The following GLIS3 variants were observed in gnomAD, a reference collection of about 807,000 sequenced individuals.
GLIS3 encodes zinc finger protein GLIS3.
In GLIS3, 53 loss-of-function variants were observed where a neutral mutation model predicts 78.6. The observed-to-expected ratio is 0.67, with a 90% CI of 0.54 to 0.85. The LOEUF (loss-of-function observed/expected upper bound fraction) is 0.85. Among genes scored for constraint, GLIS3 ranks in the 40% least tolerant of loss-of-function variants. The probability of loss-of-function intolerance (pLI) is 0.00; values close to 1 mark genes in which losing one functional copy is unlikely to be tolerated. For missense variants in GLIS3, 1,703 were observed against 1,231.1 expected, an observed-to-expected ratio of 1.38 and a Z score of -5.74; for synonymous variants, 684 against 509.9, an observed-to-expected ratio of 1.34 and a Z score of -4.60.
chr9:4,268,506 G>A (rs13286364), intron 2 of GLIS3, among the ~76,000 whole-genome samples: 21,534 of 152,112 alleles, frequency 0.14, 1,634 homozygotes, highest in Non-Finnish European at 0.16. Context: ...GATATAGAGC[G>A]TTCTGAAAGG....
rs1232514882 is a variant in GLIS3, at chr9:3,824,267, C to T, written c.*4005G>A. ...CCTCATATCTATAATTAAATCCAGG[C>T]TACAGCTCTGGCCCAAAGCAATGCA... On this transcript the variant is annotated 3_prime_UTR_variant, in exon 11 of 11. Coordinates refer to ENST00000381971, the MANE Select transcript of GLIS3 (RefSeq NM_001042413.2). 1 of 152,614 alleles carries T rather than the reference C, an allele frequency of 6.6e-6. No homozygotes were observed. The highest frequency in any genetic ancestry group is 1.5e-5 in the Non-Finnish European group (1 of 68,052). The allele number at this position is 152,614 out of a possible 1,614,324, so 9.5% of individuals were successfully genotyped here. A position where few individuals can be genotyped will look rare whatever the true frequency, so the allele number is the denominator to read the frequency against.
At chr9:4,384,812 C>G in the GLIS3 span, among the ~76,000 whole-genome samples, 3 of 152,126 alleles carry the variant, frequency 2.0e-5, no homozygotes, top group Admixed American at 2.0e-4. Flanking sequence ...CCCACTCAAC[C>G]TCCAGCCCCG....
intron 4 of GLIS3, among the ~76,000 whole-genome samples, chr9:4,013,815 G>A (rs545154080): frequency 6.6e-6 from 1 of 152,248 alleles, no homozygotes; most frequent in East Asian, 1.9e-4. Flanking sequence ...GATAAAATCT[G>A]GATGATCCAA....
At chr9:4,281,833 G>A (rs1827581790) in intron 2 of GLIS3, among the ~76,000 whole-genome samples, 1 of 152,120 alleles carries the variant, frequency 6.6e-6, no homozygotes, top group Non-Finnish European at 1.5e-5. Flanking sequence ...ACCTCCTCAA[G>A]CTAGTAGTTT....
chr9:4,244,983 T>C (rs1415972551), intron 2 of GLIS3, among the ~76,000 whole-genome samples: 1 of 152,202 alleles, frequency 6.6e-6, no homozygotes, highest in Non-Finnish European at 1.5e-5. Context: ...AGAAGAGTTA[T>C]CCAAGAAAAA....
At chr9:4,085,211 C>G (rs762313747) in intron 4 of GLIS3, among the ~76,000 whole-genome samples, 2 of 152,118 alleles carry the variant, frequency 1.3e-5, no homozygotes, top group African/African-American at 4.8e-5. Context: ...GTGCTTTTCT[C>G]TACTGTCATT....
rs368380872 is a variant in GLIS3, at chr9:3,879,388, C to T, written c.2297+39G>A. The T allele has an allele frequency of 1.7e-5, 28 of 1,602,138 alleles. No individual in the cohort carries two copies. In the Admixed American group the frequency reaches 2.0e-4, roughly 11 times the overall value. On this transcript the variant is annotated intron_variant, in intron 8 of 10. Transcript: ENST00000381971. The stretch of plus-strand genomic sequence containing the variant: ...CACTTGTCTGTGAAGGGAGGTTTGG[C>T]GGCGACACCTATTAGGAGAGAGAGA...
chr9:3,991,928 G>C (rs1000568798), intron 4 of GLIS3, among the ~76,000 whole-genome samples: 1 of 152,054 alleles, frequency 6.6e-6, no homozygotes, highest in African/African-American at 2.4e-5. Flanking sequence ...CTGACTTCGT[G>C]ATCCGCCCGC....
At chr9:4,388,081 T>C in the GLIS3 span, among the ~76,000 whole-genome samples, 1 of 152,184 alleles carries the variant, frequency 6.6e-6, no homozygotes, top group Non-Finnish European at 1.5e-5. Flanking sequence ...ACCATTAAAG[T>C]TTCTTACCTG....
At chr9:4,381,199 G>A in the GLIS3 span, among the ~76,000 whole-genome samples, 153 of 152,220 alleles carry the variant, frequency 1.0e-3, no homozygotes, top group African/African-American at 3.7e-3. Context: ...AAAATTTGGT[G>A]GTGGGGAAAT....
At chr9:4,327,989 C>T (rs879806097) in intron 2 of GLIS3, among the ~76,000 whole-genome samples, 4 of 152,142 alleles carry the variant, frequency 2.6e-5, no homozygotes, top group Non-Finnish European at 2.9e-5. Context: ...AAGGCAAAAG[C>T]CTCCACATGC....
At chr9:3,943,340 T>C (rs2130815623) in intron 4 of GLIS3, among the ~76,000 whole-genome samples, 1 of 152,244 alleles carries the variant, frequency 6.6e-6, no homozygotes, top group East Asian at 1.9e-4. Context: ...CCTTGTTTTG[T>C]TGGGACTAAT....
chr9:4,467,863 C>G, the GLIS3 span, among the ~76,000 whole-genome samples: 3 of 152,216 alleles, frequency 2.0e-5, no homozygotes, highest in Admixed American at 6.5e-5. Flanking sequence ...GATGATCAAA[C>G]CCATCACAAA....
intron 4 of GLIS3, among the ~76,000 whole-genome samples, chr9:3,976,928 G>C (rs902261384): frequency 7.1e-6 from 1 of 140,320 alleles, no homozygotes; most frequent in Admixed American, 7.5e-5. Flanking sequence ...GAGAGAACTT[G>C]TTTAATCGCC....
At chr9:4,444,576 G>A in the GLIS3 span, among the ~76,000 whole-genome samples, 1 of 152,224 alleles carries the variant, frequency 6.6e-6, no homozygotes, top group Non-Finnish European at 1.5e-5. Context: ...CCTGGCTGCT[G>A]ACATGACTTC....
chr9:3,877,385 G>T (rs913405722), intron 8 of GLIS3, among the ~76,000 whole-genome samples: 2 of 152,220 alleles, frequency 1.3e-5, no homozygotes, highest in African/African-American at 4.8e-5. Flanking sequence ...GGAGGCTAAT[G>T]ATTTGTTTAC....
At chr9:3,920,931 T>A (rs1563851284) in intron 6 of GLIS3, among the ~76,000 whole-genome samples, 1 of 152,174 alleles carries the variant, frequency 6.6e-6, no homozygotes, top group Non-Finnish European at 1.5e-5. Context: ...TGAGTCTCCT[T>A]TTTCAAAGCT....
At chr9:4,350,595 T>C (rs960487807), upstream of GLIS3, among the ~76,000 whole-genome samples, 1 of 152,138 alleles carries the variant, frequency 6.6e-6, no homozygotes. Context: ...TATTTTGGGG[T>C]GGGGATAAGG....
rs1048564724 is a variant in GLIS3 at position 3,825,050 on chromosome 9, A to G, written c.*3222T>C. Reference sequence around the variant, plus strand: ...TACCAAATAATTAAATTGAAAATGTACAGTTACTATTCCCAATACTTCAAG... The same window carrying G: ...TACCAAATAATTAAATTGAAAATGTGCAGTTACTATTCCCAATACTTCAAG... On this transcript the variant is annotated 3_prime_UTR_variant, in exon 11 of 11. Transcript: ENST00000381971. 6.6e-6 allele frequency: 1 copy of G among 152,188 alleles called. No homozygotes were observed. The highest frequency in any genetic ancestry group is 1.5e-5 in the Non-Finnish European group (1 of 68,040). 9.4% of individuals were successfully genotyped at this position (152,188 alleles called of 1,614,324 possible). A position where few individuals can be genotyped will look rare whatever the true frequency, so the allele number is the denominator to read the frequency against.
Sources: gnomAD v4.1 joint callset for allele counts (sites outside exome capture counted in the v4.1 genomes callset) on GRCh38, gnomAD v4.1.1 for gene constraint, MANE v1.5 for transcripts, NCBI Gene and HGNC (gene_info 2026-07-23, HGNC 2026-07-21) for gene names.